Variants in ABCA5 observed in about 807,000 individuals in gnomAD.
ABCA5 encodes cholesterol transporter ABCA5.
In ABCA5, 163 loss-of-function variants were observed where a neutral mutation model predicts 206.0. The ratio of observed to expected loss-of-function variants is 0.79; its 90% CI spans 0.70 to 0.90. The LOEUF is 0.90. Ranked by LOEUF, ABCA5 falls within the 40% of genes least tolerant of loss-of-function variation. ABCA5 has a pLI of 0.00. For missense variants in ABCA5, 1,859 were observed against 1,912.9 expected (o/e 0.97, Z 0.53); for synonymous variants, 609 against 613.8 (o/e 0.99, Z 0.11).
intron 3 of ABCA5, among the ~76,000 whole-genome samples, chr17:69,311,507 G>C (rs2075769363): frequency 6.6e-6 from 1 of 151,610 alleles, no homozygotes; most frequent in Non-Finnish European, 1.5e-5. Context: ...TTTTGTTTTT[G>C]AGATATTGAG....
rs2074948138 is a variant in ABCA5 at position 69,246,193 on chromosome 17, T to A, written c.*1344A>T. 6.6e-6 allele frequency: 1 copy of A among 152,002 alleles called. No individual in the cohort carries two copies. The highest frequency in any genetic ancestry group is 2.4e-5 in the African/African-American group (1 of 41,450). 9.4% of individuals were successfully genotyped at this position (152,002 alleles called of 1,614,324 possible). On this transcript the variant is annotated 3_prime_UTR_variant, in exon 39 of 39. Coordinates refer to ENST00000392676, the MANE Select transcript of ABCA5 (RefSeq NM_172232.4). ...AGCTAAAAGTTCATTAAATTTTGCC[T>A]ACATTAAAGAATGAATAATGCCACT...
In ABCA5 at chr17:69,247,654, A is replaced by C. The variant is rs1162385742; in HGVS notation, c.4822-10T>G. The C allele has an allele frequency of 1.3e-6, 2 of 1,541,128 alleles. No homozygotes were observed. Among genetic ancestry groups the C allele is most frequent in the East Asian group, 2.3e-5 (1 of 44,258 alleles). ...TGAGTTCTACAAAAACCTAGGTGAA[A>C]AGAAATAAATGAATACAGTATGCTG... is the stretch of plus-strand genomic sequence containing the variant. On this transcript the variant is annotated splice_polypyrimidine_tract_variant and intron_variant, in intron 38 of 38. Coordinates refer to ENST00000392676, the MANE Select transcript of ABCA5 (RefSeq NM_172232.4).
intron 11 of ABCA5, 125 bp downstream of exon 11, chr17:69,294,529 AT>A (rs2075565391): frequency 1.1e-6 from 1 of 907,062 alleles, no homozygotes; most frequent in Admixed American, 2.5e-5. Context: ...CTCAAAAAAA[AT>A]AAAATAAAAT....
At chr17:69,323,041 G>A (rs564523779) in intron 1 of ABCA5, among the ~76,000 whole-genome samples, 2 of 152,288 alleles carry the variant, frequency 1.3e-5, no homozygotes, top group South Asian at 2.1e-4. Flanking sequence ...AGATGTAACA[G>A]AAAATGGATA....
At chr17:69,257,090 C>A (rs1354082121) in intron 28 of ABCA5, among the ~76,000 whole-genome samples, 3 of 151,992 alleles carry the variant, frequency 2.0e-5, no homozygotes, top group Admixed American at 1.3e-4. Context: ...TGTGGCCAGG[C>A]GCAGTGGCTC....
chr17:69,289,913 T>A lies in ABCA5; in HGVS notation c.1731A>T (p.Leu577Phe), dbSNP rs1218225853. 6.2e-7 allele frequency: 1 copy of A among 1,611,926 alleles called. No homozygotes were observed. The highest frequency in any genetic ancestry group is 1.1e-5 in the South Asian group (1 of 90,882). The change falls in exon 13 of 39, where the codon TTA becomes TTT. Residue 577 changes from leucine (L) to phenylalanine (F), a missense_variant. Physicochemically the swap from Leu to Phe is conservative, Grantham distance 22. Coordinates refer to ENST00000392676, the MANE Select transcript of ABCA5 (RefSeq NM_172232.4). ...HFDVLTVEEN[L>F]SILASIKGIP... ...TCCCTTTGATTGAAGCCAAAATTGA[T>A]AAATTTTCTTCTACTGTCAAAACAT...
At chr17:69,253,961 A>G (rs2075046534) in intron 32 of ABCA5, 92 bp from the exon 33 acceptor site, 2 of 1,052,674 alleles carry the variant, frequency 1.9e-6, no homozygotes, top group Non-Finnish European at 2.8e-6. Flanking sequence ...TTTCTCTAGA[A>G]TAGTTACTTA....
intron 3 of ABCA5, among the ~76,000 whole-genome samples, chr17:69,311,481 C>CT (rs1381124634): frequency 6.6e-6 from 1 of 151,780 alleles, no homozygotes; most frequent in Non-Finnish European, 1.5e-5. Context: ...TTTGTTTGTT[C>CT]TTTTTTTGTT....
chr17:69,255,754 T>A lies in ABCA5; in HGVS notation c.3955A>T (p.Ile1319Phe). 6.3e-7 allele frequency: 1 copy of A among 1,593,338 alleles called. No homozygotes were observed. Among genetic ancestry groups the A allele is most frequent in the Non-Finnish European group, 8.5e-7 (1 of 1,174,212 alleles). Reference sequence around the variant, plus strand: ...CAGCCTTTTTTCACACAGAAAGAGATGTATTTAGTTGCCACTTTCTTTACT... The same window carrying A: ...CAGCCTTTTTTCACACAGAAAGAGAAGTATTTAGTTGCCACTTTCTTTACT... ...RKVKKVATKY[I>F]SFCVKKGEIL... is the part of the protein sequence containing the mutation. The change falls in exon 30 of 39, where the codon ATC becomes TTC. Residue 1319 changes from isoleucine to phenylalanine, a missense_variant. Physicochemically the swap from Ile to Phe is conservative, Grantham distance 21. Transcript: ENST00000392676.
At chr17:69,281,050 ATAAAT>A (rs1223726645) in intron 18 of ABCA5, among the ~76,000 whole-genome samples, 4 of 144,358 alleles carry the variant, frequency 2.8e-5, no homozygotes, top group Admixed American at 6.7e-5. Context: ...AAAAATAAAA[ATAAAT>A]AAATAAAAAA....
At chr17:69,264,714 G>C (rs748690924) in intron 24 of ABCA5, 21 bp downstream of exon 24, 2 of 1,464,756 alleles carry the variant, frequency 1.4e-6, no homozygotes, top group African/African-American at 2.9e-5. Context: ...AATAGCATGA[G>C]TACAACTAAC....
chr17:69,261,984 A>C (rs1353189710), intron 24 of ABCA5, among the ~76,000 whole-genome samples: 1 of 151,470 alleles, frequency 6.6e-6, no homozygotes, highest in Non-Finnish European at 1.5e-5. Flanking sequence ...ATTTTAATAT[A>C]CAGCACTTTA....
At chr17:69,300,334 T>C (rs950074748) in intron 9 of ABCA5, among the ~76,000 whole-genome samples, 3 of 152,190 alleles carry the variant, frequency 2.0e-5, no homozygotes, top group African/African-American at 7.2e-5. Flanking sequence ...ATGCAAGCAA[T>C]GAGGAGCAGC....
chr17:69,286,792 A>C (rs1328019759), intron 15 of ABCA5, among the ~76,000 whole-genome samples: 1 of 152,248 alleles, frequency 6.6e-6, no homozygotes, highest in African/African-American at 2.4e-5. Flanking sequence ...ATTATATTAT[A>C]AGCAGACAGA....
Position 69,309,248 on chromosome 17 carries a change from G to C in ABCA5, c.469+14C>G. The C allele has an allele frequency of 6.5e-7, 1 of 1,536,022 alleles. No individual in the cohort carries two copies. Among genetic ancestry groups the C allele is most frequent in the Non-Finnish European group, 8.7e-7 (1 of 1,146,476 alleles). On this transcript the variant is annotated intron_variant, in intron 4 of 38. Coordinates refer to ENST00000392676, the MANE Select transcript of ABCA5 (RefSeq NM_172232.4). ...CATTTAATTGATCTTCAATGATTAT[G>C]TAGGGCTATTTACCTCTTGAATCCA...
intron 3 of ABCA5, 125 bp downstream of exon 3, chr17:69,312,967 A>T (rs1383472972): frequency 8.2e-6 from 4 of 486,038 alleles, no homozygotes; most frequent in African/African-American, 8.0e-5. Context: ...TATTTTTATA[A>T]AACTGACTTT....
rs542555119 is a variant in ABCA5, at chr17:69,281,044, A to G, written c.2392+2909T>C. Among the ~76,000 whole-genome samples, 55 of 149,826 alleles carry G rather than the reference A, an allele frequency of 3.7e-4. 1 individual carries two copies. In the South Asian group the frequency reaches 0.011, roughly 29 times the overall value. ...ACTTAAAGTATAATAATAAAAAAAA[A>G]TAAAAATAAATAAATAAAAAAATAA... On this transcript the variant is annotated intron_variant, in intron 18 of 38. Coordinates refer to ENST00000392676, the MANE Select transcript of ABCA5 (RefSeq NM_172232.4).
At chr17:69,248,544 T>C in intron 37 of ABCA5, 1 of 291,122 alleles carries the variant, frequency 3.4e-6, no homozygotes, top group Non-Finnish European at 6.5e-6. Context: ...CTTATTTCAC[T>C]TTTTCTAAGT....
At chr17:69,267,279 T>C (rs909037665) in intron 23 of ABCA5, among the ~76,000 whole-genome samples, 4 of 152,140 alleles carry the variant, frequency 2.6e-5, no homozygotes, top group African/African-American at 7.2e-5. Context: ...AGATCATCCA[T>C]GAAGAAGATC....
Sources: gnomAD v4.1 joint callset for allele counts (sites outside exome capture counted in the v4.1 genomes callset) on GRCh38, gnomAD v4.1.1 for gene constraint, MANE v1.5 for transcripts, NCBI Gene and HGNC (gene_info 2026-07-23, HGNC 2026-07-21) for gene names.